The following CACNA2D3 variants were observed in gnomAD, a reference collection of about 807,000 sequenced individuals.
The protein encoded by CACNA2D3 is calcium voltage-gated channel auxiliary subunit alpha2delta 3, also known as voltage-dependent calcium channel subunit alpha-2/delta-3.
In CACNA2D3, 60 loss-of-function variants were observed where a neutral mutation model predicts 160.6. That is an observed-to-expected ratio of 0.37 (90% CI 0.30 to 0.46). The LOEUF (loss-of-function observed/expected upper bound fraction) is 0.46. Ranked by LOEUF, CACNA2D3 falls within the 20% of genes least tolerant of loss-of-function variation. CACNA2D3 has a pLI of 1.00. For missense variants in CACNA2D3, 1,205 were observed against 1,365.0 expected (o/e 0.88, Z 1.85); for synonymous variants, 558 against 492.9 (o/e 1.13, Z -1.75).
intron 27 of CACNA2D3, chr3:54,924,940 G>A (rs776384818): frequency 2.5e-6 from 4 of 1,612,066 alleles, no homozygotes; most frequent in Non-Finnish European, 2.5e-6. Context: ...TGAAGCCCAT[G>A]GAAAGCTCCA....
intron 5 of CACNA2D3, among the ~76,000 whole-genome samples, chr3:54,538,657 C>G (rs1021359562): frequency 6.6e-6 from 1 of 152,234 alleles, no homozygotes; most frequent in East Asian, 1.9e-4. Flanking sequence ...AGACTTAGCC[C>G]GTGTTCTGAG....
chr3:54,955,562 C>T (rs373327902), intron 27 of CACNA2D3, among the ~76,000 whole-genome samples: 2 of 152,096 alleles, frequency 1.3e-5, no homozygotes, highest in African/African-American at 4.8e-5. Context: ...GCTAGAGGAA[C>T]GTTGATTCTG....
At chr3:54,181,531 T>C (rs1321675868) in intron 2 of CACNA2D3, among the ~76,000 whole-genome samples, 2 of 152,230 alleles carry the variant, frequency 1.3e-5, no homozygotes, top group Non-Finnish European at 2.9e-5. Context: ...TGTATGTGCC[T>C]GTTAAAATCT....
At chr3:54,410,857 T>G (rs1035310798) in intron 4 of CACNA2D3, among the ~76,000 whole-genome samples, 8 of 152,220 alleles carry the variant, frequency 5.3e-5, no homozygotes, top group African/African-American at 1.4e-4. Flanking sequence ...CCGTCTGGTC[T>G]GGACAAAGTA....
At chr3:54,197,718 G>T (rs904104814) in intron 2 of CACNA2D3, among the ~76,000 whole-genome samples, 2 of 152,176 alleles carry the variant, frequency 1.3e-5, no homozygotes, top group African/African-American at 4.8e-5. Flanking sequence ...CCTTTGATCT[G>T]CAGGCGGCTG....
At chr3:54,795,873 G>A (rs1206029268) in intron 13 of CACNA2D3, among the ~76,000 whole-genome samples, 2 of 152,132 alleles carry the variant, frequency 1.3e-5, no homozygotes, top group Non-Finnish European at 2.9e-5. Flanking sequence ...TTAATCAACG[G>A]CAGGAAAAAT....
intron 5 of CACNA2D3, among the ~76,000 whole-genome samples, chr3:54,554,870 C>CTCTTT (rs1274391923): frequency 1.0e-5 from 1 of 96,168 alleles, no homozygotes; most frequent in Non-Finnish European, 1.9e-5. Flanking sequence ...CTCTCACTCT[C>CTCTTT]TTTTTTTTTT....
intron 10 of CACNA2D3, among the ~76,000 whole-genome samples, chr3:54,636,100 TGA>T: frequency 6.6e-6 from 1 of 151,932 alleles, no homozygotes; most frequent in South Asian, 2.1e-4. Context: ...GATGGAACAC[TGA>T]GAAGTTATTT....
At chr3:54,590,669 G>A (rs919456156) in intron 9 of CACNA2D3, among the ~76,000 whole-genome samples, 2 of 151,898 alleles carry the variant, frequency 1.3e-5, no homozygotes, top group East Asian at 1.9e-4. Flanking sequence ...TTGGACTTGA[G>A]CTCCTGGGCT....
At chr3:54,921,558 C>T (rs920481688) in intron 27 of CACNA2D3, among the ~76,000 whole-genome samples, 2 of 152,088 alleles carry the variant, frequency 1.3e-5, no homozygotes, top group Non-Finnish European at 2.9e-5. Flanking sequence ...TAAATTTTCC[C>T]ACTTTTTGTG....
At chr3:54,703,935 C>G (rs1465732369) in intron 11 of CACNA2D3, among the ~76,000 whole-genome samples, 1 of 152,230 alleles carries the variant, frequency 6.6e-6, no homozygotes, top group Non-Finnish European at 1.5e-5. Context: ...ACCCCTACCT[C>G]TACCCCTAGT....
chr3:54,555,755 A>G (rs1410732736), intron 5 of CACNA2D3, among the ~76,000 whole-genome samples: 2 of 152,216 alleles, frequency 1.3e-5, no homozygotes, highest in Non-Finnish European at 1.5e-5. Context: ...ACATTGACCA[A>G]TATGAATAAT....
intron 13 of CACNA2D3, among the ~76,000 whole-genome samples, chr3:54,807,664 A>G (rs958259477): frequency 7.2e-5 from 11 of 151,940 alleles, no homozygotes; most frequent in African/African-American, 2.4e-4. Flanking sequence ...TCAGGGATCT[A>G]GAACTAGAAA....
chr3:55,005,772 A>G (rs987165010), intron 32 of CACNA2D3, among the ~76,000 whole-genome samples: 3 of 152,224 alleles, frequency 2.0e-5, no homozygotes, highest in Admixed American at 6.5e-5. Context: ...ACACAGAAAA[A>G]AAACCAGACA....
chr3:54,203,212 C>T (rs1294016657), intron 2 of CACNA2D3, among the ~76,000 whole-genome samples: 1 of 152,208 alleles, frequency 6.6e-6, no homozygotes, highest in Non-Finnish European at 1.5e-5. Context: ...CTTTGAAAGC[C>T]TGAACAGAAC....
chr3:54,325,583 A>G lies in CACNA2D3; in HGVS notation c.321+5025A>G, dbSNP rs181553829. ...TTCAGAGGACCCTAAATGTCAGCCTATGCAGACTTCAGACCTCCACAAACT... is the reference window on the plus strand; with the variant it reads ...TTCAGAGGACCCTAAATGTCAGCCTGTGCAGACTTCAGACCTCCACAAACT... On this transcript the variant is annotated intron_variant, in intron 3 of 37. Transcript: ENST00000474759. Among the ~76,000 whole-genome samples the G allele has an allele frequency of 2.2e-3, 333 of 152,288 alleles. No homozygotes were observed. In the Middle Eastern group the frequency reaches 0.024, roughly 11 times the overall value.
chr3:54,969,938 A>T, intron 29 of CACNA2D3, 94 bp downstream of exon 29: 2 of 1,037,254 alleles, frequency 1.9e-6, no homozygotes, highest in Non-Finnish European at 2.9e-6. Flanking sequence ...AAACAAGGCC[A>T]GGTTGACGCA....
At chr3:54,709,925 T>C (rs1037986916) in intron 11 of CACNA2D3, among the ~76,000 whole-genome samples, 2 of 152,120 alleles carry the variant, frequency 1.3e-5, no homozygotes, top group Non-Finnish European at 2.9e-5. Context: ...ACCCTGTCTC[T>C]AAAATAAAAA....
intron 17 of CACNA2D3, among the ~76,000 whole-genome samples, chr3:54,857,985 G>T (rs78529401): frequency 5.9e-5 from 9 of 151,678 alleles, no homozygotes; most frequent in Admixed American, 5.9e-4. Context: ...TAGGATTCTC[G>T]GCTGCTTTAT....
Sources: gnomAD v4.1 joint callset for allele counts (sites outside exome capture counted in the v4.1 genomes callset) on GRCh38, gnomAD v4.1.1 for gene constraint, MANE v1.5 for transcripts, NCBI Gene and HGNC (gene_info 2026-07-23, HGNC 2026-07-21) for gene names.